ZC3H4: variants seen among roughly 807,000 people sequenced by gnomAD.
ZC3H4 encodes the protein zinc finger CCCH domain-containing protein 4.
A neutral mutation model predicts 108.3 loss-of-function variants in ZC3H4; 13 were observed. The ratio of observed to expected loss-of-function variants is 0.12; its 90% CI spans 0.08 to 0.19. The LOEUF (loss-of-function observed/expected upper bound fraction) is 0.19, where lower values mean the gene tolerates loss of function less well. ZC3H4 is among the 10% of genes least tolerant of loss of function. The pLI is 1.00. For synonymous variants in ZC3H4, 917 were observed against 749.6 expected, an observed-to-expected ratio of 1.22 and a Z score of -3.65; for missense variants, 1,734 against 1,838.8, an observed-to-expected ratio of 0.94 and a Z score of 1.04.
rs2057785319 is a variant in ZC3H4, at chr19:47,094,231, A to G, written c.382-151T>C. 3 of 1,108,274 alleles carry G rather than the reference A, an allele frequency of 2.7e-6. No individual in the cohort carries two copies. In the Admixed American group the frequency reaches 6.2e-5, roughly 23 times the overall value. The allele number at this position is 1,108,274 out of a possible 1,614,324, so 68.7% of individuals were successfully genotyped here. ...CTGGGGCACTTAGTGGCAATGAAGC[A>G]TAAGCTACCAACTCTTTTAAAAAAG... On this transcript the variant is annotated intron_variant, in intron 3 of 14. Coordinates refer to ENST00000253048, the MANE Select transcript of ZC3H4 (RefSeq NM_015168.2).
At chr19:47,112,305 C>T (rs1430655547) in intron 2 of ZC3H4, 119 bp downstream of exon 2, 2 of 640,380 alleles carry the variant, frequency 3.1e-6, no homozygotes, top group African/African-American at 2.2e-5. Context: ...CCCGCCCTTC[C>T]TCCTCCTCCT....
At chr19:47,082,333 G>A in intron 9 of ZC3H4, 38 bp from the exon 10 acceptor site, 2 of 1,500,666 alleles carry the variant, frequency 1.3e-6, no homozygotes, top group African/African-American at 2.7e-5. Context: ...GTGGTGGCGT[G>A]GGAAGCTCTT....
intron 2 of ZC3H4, among the ~76,000 whole-genome samples, chr19:47,103,774 A>C (rs1384496093): frequency 6.6e-6 from 1 of 151,122 alleles, no homozygotes; most frequent in East Asian, 1.9e-4. Flanking sequence ...AAAAAAAAAA[A>C]AAAAAAAAAC....
chr19:47,089,892 T>C, intron 5 of ZC3H4, 75 bp downstream of exon 5: 1 of 1,519,176 alleles, frequency 6.6e-7, no homozygotes, highest in South Asian at 1.2e-5. Flanking sequence ...CTTGAGGTTC[T>C]GTGAGACCAG....
chr19:47,090,313 G>T, intron 4 of ZC3H4, 124 bp from the exon 5 acceptor site: 1 of 1,052,272 alleles, frequency 9.5e-7, no homozygotes, highest in Non-Finnish European at 1.4e-6. Context: ...TCCCAGGGTT[G>T]CACTGCTGGT....
At chr19:47,087,774 T>A (rs2057657467) in intron 5 of ZC3H4, among the ~76,000 whole-genome samples, 1 of 152,076 alleles carries the variant, frequency 6.6e-6, no homozygotes, top group African/African-American at 2.4e-5. Context: ...CTGGAGAGGC[T>A]AAGGCACGAG....
In ZC3H4 at chr19:47,067,863, G is replaced by A; in HGVS notation, c.2405C>T (p.Thr802Ile). ...KQDRENEEGD[T>I]GNWYSSDEDE... ...CTCATCACTTGAGTACCAGTTTCCG[G>A]TGTCACCTGGGAAAGAACAGAGGAG... The change falls in exon 15 of 15, where the codon ACC becomes ATC. Residue 802 changes from threonine to isoleucine, a missense_variant. Transcript: ENST00000253048. This position sits in a 1 kb window ranked among gnomAD's most constrained non-coding sequence, Gnocchi z 6.4. The A allele has an allele frequency of 6.3e-7, 1 of 1,589,838 alleles. No individual in the cohort carries two copies. The highest frequency in any genetic ancestry group is 8.5e-7 in the Non-Finnish European group (1 of 1,170,086).
rs777350868 is a variant in ZC3H4, at chr19:47,086,384, G to A, written c.870C>T (p.Asp290=). The A allele has an allele frequency of 1.2e-5, 20 of 1,613,262 alleles. No individual in the cohort carries two copies. The Admixed American group carries it at 1.3e-4, about 11-fold the overall frequency. The part of the protein sequence containing the change: ...DEEDFYEEEM[D]YGESEEPMGD... Reference sequence around the variant, plus strand: ...TCCCCAGGGCCAGAGGAAACCTTACGTCCATCTCTTCCTCGTAGAAATCCT... The same window carrying A: ...TCCCCAGGGCCAGAGGAAACCTTACATCCATCTCTTCCTCGTAGAAATCCT... Residue 290 remains aspartate (D), a splice_region_variant and synonymous_variant, in exon 6 of 15, where the codon GAC becomes GAT. Transcript: ENST00000253048.
At chr19:47,074,189 G>A (rs2057378602) in intron 11 of ZC3H4, among the ~76,000 whole-genome samples, 1 of 152,128 alleles carries the variant, frequency 6.6e-6, no homozygotes, top group Non-Finnish European at 1.5e-5. Context: ...CTCAACTGTT[G>A]AGGTCCCTCA....
chr19:47,086,229 T>C (rs2057618919), intron 6 of ZC3H4, among the ~76,000 whole-genome samples, 155 bp downstream of exon 6: 1 of 152,192 alleles, frequency 6.6e-6, no homozygotes, highest in Admixed American at 6.5e-5. Flanking sequence ...AAATGAATAT[T>C]TTTAAACACA....
chr19:47,085,277 C>T lies in ZC3H4; in HGVS notation c.967+41G>A, dbSNP rs764021506. ...ACTAGATTCCAGCAGCTGCTGGAAT[C>T]CCTGCCCCACCCAGCGTGTCCTCTC... On this transcript the variant is annotated intron_variant, in intron 7 of 14. Coordinates refer to ENST00000253048, the MANE Select transcript of ZC3H4 (RefSeq NM_015168.2). 1.8e-5 allele frequency: 21 copies of T among 1,136,182 alleles called. No individual in the cohort carries two copies. In the South Asian group the frequency reaches 2.5e-4, roughly 14 times the overall value. The allele number at this position is 1,136,182 out of a possible 1,614,324, so 70.4% of individuals were successfully genotyped here.
At chr19:47,111,055 G>C (rs2058032516) in intron 2 of ZC3H4, 1 of 345,438 alleles carries the variant, frequency 2.9e-6, no homozygotes, top group South Asian at 1.2e-4. Flanking sequence ...CCCGGCTAAG[G>C]AAGGGTCCTC....
At position 47,090,092 on chromosome 19, in the gene ZC3H4, T is replaced by C. The variant is rs374337856; in HGVS notation, c.590A>G (p.Glu197Gly). 8.1e-6 allele frequency: 13 copies of C among 1,614,116 alleles called. No individual in the cohort carries two copies. Among genetic ancestry groups the C allele is most frequent in the East Asian group, 4.5e-5 (2 of 44,894 alleles). ...SKSYGMYEDY[E>G]NEQYGEYEGD... is the part of the protein sequence containing the mutation. ...CTCATATTCCCCATACTGCTCATTC[T>C]CGTAGTCCTCGTACATGCCATAACT... Residue 197 changes from glutamate to glycine, a missense_variant, in exon 5 of 15, where the codon GAG (glutamate) becomes GGG (glycine). Transcript: ENST00000253048.
intron 2 of ZC3H4, among the ~76,000 whole-genome samples, chr19:47,109,005 T>A (rs1436981729): frequency 2.6e-5 from 4 of 152,170 alleles, no homozygotes; most frequent in Non-Finnish European, 4.4e-5. Context: ...TCAAGTTAAA[T>A]CTCTCACCCA....
At chr19:47,100,504 TCTGTACC>T (rs1190053419) in intron 2 of ZC3H4, among the ~76,000 whole-genome samples, 1 of 151,716 alleles carries the variant, frequency 6.6e-6, no homozygotes, top group African/African-American at 2.4e-5. Context: ...GGCATCAGCA[TCTGTACC>T]CTGTACCCTA....
chr19:47,069,195 G>T lies in ZC3H4; in HGVS notation c.2295C>A (p.Ala765=). 2.5e-6 allele frequency: 4 copies of T among 1,611,644 alleles called. No individual in the cohort carries two copies. The South Asian group carries it at 3.3e-5, about 13-fold the overall frequency. Reference sequence around the variant, plus strand: ...GGATCCTCAGGTACAGGGCCCTCTGGGCTGAGGGCAGGAAGTCAGGGACAC... The same window carrying T: ...GGATCCTCAGGTACAGGGCCCTCTGTGCTGAGGGCAGGAAGTCAGGGACAC... ...GAGVPDFLPS[A]QRALYLRIQQ... Residue 765 remains alanine, a synonymous_variant, in exon 14 of 15, where the codon GCC becomes GCA. Coordinates refer to ENST00000253048, the MANE Select transcript of ZC3H4 (RefSeq NM_015168.2).
intron 5 of ZC3H4, among the ~76,000 whole-genome samples, chr19:47,089,481 G>A (rs1319381647): frequency 6.6e-6 from 1 of 152,188 alleles, no homozygotes; most frequent in East Asian, 1.9e-4. Flanking sequence ...CGGCAGAGAT[G>A]TGTTCTAAGA....
chr19:47,073,574 A>C (rs2057366243), intron 11 of ZC3H4, among the ~76,000 whole-genome samples: 1 of 152,222 alleles, frequency 6.6e-6, no homozygotes, highest in Non-Finnish European at 1.5e-5. Flanking sequence ...TCCATCTCAA[A>C]AAACAAAAAC....
At chr19:47,101,382 C>T (rs944257423) in intron 2 of ZC3H4, among the ~76,000 whole-genome samples, 5 of 151,770 alleles carry the variant, frequency 3.3e-5, no homozygotes, top group African/African-American at 7.3e-5. Context: ...CACAGTTAGA[C>T]CCCGTCTCCA....
Sources: gnomAD v4.1 joint callset for allele counts (sites outside exome capture counted in the v4.1 genomes callset) on GRCh38, gnomAD v4.1.1 for gene constraint, Gnocchi (gnomAD v3.1) non-coding constraint, MANE v1.5 for transcripts, NCBI Gene and HGNC (gene_info 2026-07-23, HGNC 2026-07-21) for gene names.